SVIL: variants seen among roughly 807,000 people sequenced by gnomAD.
SVIL encodes the protein supervillin, also known as archvillin.
Under a neutral mutation model 240.4 loss-of-function variants are expected in SVIL, and 101 were observed. The ratio of observed to expected loss-of-function variants is 0.42; its 90% confidence interval spans 0.36 to 0.50. The LOEUF (loss-of-function observed/expected upper bound fraction) is 0.50. Ranked by LOEUF, SVIL falls within the 20% of genes least tolerant of loss-of-function variation. The pLI, the probability that SVIL is intolerant of heterozygous loss-of-function variation, is 0.01. For synonymous variants in SVIL, 999 were observed against 1,100.0 expected, an observed-to-expected ratio of 0.91 and a Z score of 1.82; for missense variants, 2,512 against 2,818.7, an observed-to-expected ratio of 0.89 and a Z score of 2.46.
chr10:29,648,796 T>C (rs546899152), intron 3 of SVIL, among the ~76,000 whole-genome samples: 4 of 149,296 alleles, frequency 2.7e-5, no homozygotes, highest in African/African-American at 1.0e-4. Context: ...GTTATAAACC[T>C]AGGACACAGG....
chr10:29,541,915 T>C (rs1311329819), intron 6 of SVIL, among the ~76,000 whole-genome samples: 1 of 152,126 alleles, frequency 6.6e-6, no homozygotes, highest in African/African-American at 2.4e-5. Flanking sequence ...CAAGACCACA[T>C]ACAAGAACCC....
At chr10:29,706,576 C>T (rs780003545) in intron 1 of SVIL, among the ~76,000 whole-genome samples, 20 of 152,016 alleles carry the variant, frequency 1.3e-4, no homozygotes, top group Non-Finnish European at 2.8e-4. Flanking sequence ...GGGTAGATTG[C>T]AAAAAGTTTC....
chr10:29,495,156 G>A lies in SVIL; in HGVS notation c.3690C>T (p.Thr1230=), dbSNP rs1377749652. The A allele has an allele frequency of 3.3e-6, 5 of 1,531,234 alleles. No homozygotes were observed. The South Asian group carries it at 4.5e-5, about 14-fold the overall frequency. The allele number at this position is 1,531,234 out of a possible 1,614,324, so 94.9% of individuals were successfully genotyped here. The change falls in exon 19 of 38, where the codon ACC becomes ACT. Residue 1230 remains threonine, a synonymous_variant. Coordinates refer to ENST00000355867, the MANE Select transcript of SVIL (RefSeq NM_021738.3). ...TACCGCAAATGGGTGAGGCTACTGGGGTTATGGCAGTAGGTGACGCCAAAC... is the reference window on the plus strand; with the variant it reads ...TACCGCAAATGGGTGAGGCTACTGGAGTTATGGCAGTAGGTGACGCCAAAC... The part of the protein sequence containing the change: ...KKGLASPTAI[T]PVASPICGKT...
At chr10:29,587,399 G>A (rs570467027) in intron 1 of SVIL, among the ~76,000 whole-genome samples, 139 of 151,588 alleles carry the variant, frequency 9.2e-4, no homozygotes, top group Non-Finnish European at 1.8e-3. Flanking sequence ...GCAGGTTGAC[G>A]GGTGGCTTAC....
chr10:29,550,533 A>G lies in SVIL; in HGVS notation c.827+64T>C. ...GCTTAGAATAGCCAAACCCTATCAC[A>G]CAGAGAGGCAAAAAGAAGGTATTGT... On this transcript the variant is annotated intron_variant, in intron 6 of 37. Coordinates refer to ENST00000355867, the MANE Select transcript of SVIL (RefSeq NM_021738.3). 7 of 1,471,074 alleles carry G rather than the reference A, an allele frequency of 4.8e-6. No homozygotes were observed. The Admixed American group carries it at 1.7e-4, about 36-fold the overall frequency. The allele number at this position is 1,471,074 out of a possible 1,614,324, so 91.1% of individuals were successfully genotyped here.
At chr10:29,610,914 C>A (rs756150940) in intron 1 of SVIL, among the ~76,000 whole-genome samples, 5 of 152,182 alleles carry the variant, frequency 3.3e-5, no homozygotes, top group Non-Finnish European at 5.9e-5. Context: ...CATTTCTGAG[C>A]TGCTGAAGGA....
rs1953226954 is a variant in SVIL, at chr10:29,550,634, A to G, written c.790T>C (p.Phe264Leu). ...LQQAASRSPS[F>L]GDPQLSPEAR... ...TCAGGGGATAGCTGTGGGTCACCAA[A>G]GGAGGGGCTCCGGGAGGCTGCCTGC... The change falls in exon 6 of 38, where the codon TTT becomes CTT. Residue 264 changes from phenylalanine to leucine, a missense_variant. Around this residue, in one of 3 missense-constraint regions of SVIL, gnomAD observed 1,443 missense variants for 1,486.6 expected, o/e 0.97. Coordinates refer to ENST00000355867, the MANE Select transcript of SVIL (RefSeq NM_021738.3). 1 of 1,613,402 alleles carries G rather than the reference A, an allele frequency of 6.2e-7. No homozygotes were observed. The highest frequency in any genetic ancestry group is 8.5e-7 in the Non-Finnish European group (1 of 1,179,692).
At chr10:29,721,892 G>C (rs1964004271) in intron 1 of SVIL, among the ~76,000 whole-genome samples, 1 of 152,152 alleles carries the variant, frequency 6.6e-6, no homozygotes, top group Non-Finnish European at 1.5e-5. Flanking sequence ...TGTCTGGCTT[G>C]CAGGCTAACC....
chr10:29,647,062 A>G (rs374439152), intron 3 of SVIL: 20 of 152,230 alleles, frequency 1.3e-4, no homozygotes, highest in Admixed American at 2.0e-4. Flanking sequence ...AGAAACCCCA[A>G]TCCTCTGCAG....
chr10:29,722,921 A>G (rs1743353738), intron 1 of SVIL, among the ~76,000 whole-genome samples: 1 of 152,254 alleles, frequency 6.6e-6, no homozygotes, highest in Admixed American at 6.5e-5. Flanking sequence ...ACTCCTAGAT[A>G]CATGACTCTG....
At chr10:29,679,283 A>G (rs1960441993) in intron 2 of SVIL, among the ~76,000 whole-genome samples, 2 of 152,342 alleles carry the variant, frequency 1.3e-5, no homozygotes, top group Middle Eastern at 6.8e-3. Context: ...AACTTGCTCC[A>G]CTAACTTTTA....
At chr10:29,625,184 A>G (rs1471316857) in intron 1 of SVIL, among the ~76,000 whole-genome samples, 1 of 152,196 alleles carries the variant, frequency 6.6e-6, no homozygotes, top group African/African-American at 2.4e-5. Context: ...AACTCCTTCT[A>G]AAATCATCTC....
intron 2 of SVIL, among the ~76,000 whole-genome samples, chr10:29,669,988 A>T (rs1415541011): frequency 6.6e-6 from 1 of 151,850 alleles, no homozygotes; most frequent in Non-Finnish European, 1.5e-5. Context: ...GGTGGTGTGC[A>T]CCTGTAGTCC....
chr10:29,546,587 T>C (rs1160214219), intron 6 of SVIL, among the ~76,000 whole-genome samples: 3 of 152,112 alleles, frequency 2.0e-5, no homozygotes, highest in East Asian at 1.9e-4. Flanking sequence ...ATGAGTACAG[T>C]ATAGTGAAGT....
intron 1 of SVIL, among the ~76,000 whole-genome samples, chr10:29,590,201 A>G (rs1956337176): frequency 6.8e-6 from 1 of 146,240 alleles, no homozygotes; most frequent in South Asian, 2.1e-4. Flanking sequence ...AAAAAGTTGT[A>G]AAGGAAAATT....
chr10:29,562,834 G>A (rs942044689), intron 3 of SVIL, among the ~76,000 whole-genome samples: 1 of 151,146 alleles, frequency 6.6e-6, no homozygotes, highest in Non-Finnish European at 1.5e-5. Flanking sequence ...GAGGCAGCAG[G>A]AGTGGGTGGA....
chr10:29,673,943 G>A (rs1463622025), intron 2 of SVIL, among the ~76,000 whole-genome samples: 1 of 152,144 alleles, frequency 6.6e-6, no homozygotes, highest in African/African-American at 2.4e-5. Flanking sequence ...CTCTAATTAA[G>A]CCTCTCATCT....
Position 29,480,610 on chromosome 10 carries a change from G to C in SVIL, c.5304C>G (p.Pro1768=). 6.2e-7 allele frequency: 1 copy of C among 1,614,142 alleles called. No individual in the cohort carries two copies. Among genetic ancestry groups the C allele is most frequent in the Non-Finnish European group, 8.5e-7 (1 of 1,180,036 alleles). Residue 1768 remains proline (P), a synonymous_variant, in exon 29 of 38, where the codon CCC becomes CCG. Coordinates refer to ENST00000355867, the MANE Select transcript of SVIL (RefSeq NM_021738.3). ...HILEFDYSRL[P]KQSIGQFHEG... is the part of the protein sequence containing the mutation. ...CATGGAACTGCCCGATGCTTTGTTT[G>C]GGGAGCCTGCTATAGTCGAATTCCA...
intron 5 of SVIL, 54 bp from the exon 6 acceptor site, chr10:29,551,317 T>G: frequency 6.7e-7 from 1 of 1,494,702 alleles, no homozygotes. Context: ...AGACATGTAT[T>G]TACACACAGA....
Sources: allele counts gnomAD v4.1 joint callset (sites outside exome capture counted in the v4.1 genomes callset), GRCh38; gene constraint gnomAD v4.1.1; regional missense constraint gnomAD v4.1.1; transcripts MANE v1.5; gene names NCBI Gene and HGNC (gene_info 2026-07-23, HGNC 2026-07-21).